The following AAK1 variants were observed in gnomAD, a reference collection of about 807,000 sequenced individuals.
The protein encoded by AAK1 is AP2 associated kinase 1, also known as AP2-associated protein kinase 1.
AAK1 carries 37 observed loss-of-function variants against 116.0 expected under a neutral mutation model. The ratio of observed to expected loss-of-function variants is 0.32; its 90% CI spans 0.25 to 0.42. The LOEUF (loss-of-function observed/expected upper bound fraction) is 0.42, where lower values mean the gene tolerates loss of function less well. Ranked by LOEUF, AAK1 falls within the 10% of genes least tolerant of loss-of-function variation. The pLI is 1.00. For synonymous variants in AAK1, 458 were observed against 439.9 expected, an observed-to-expected ratio of 1.04 and a Z score of -0.51; for missense variants, 919 against 1,170.6, an observed-to-expected ratio of 0.79 and a Z score of 3.14.
At chr2:69,515,573 C>T (rs1234156969) in intron 12 of AAK1, among the ~76,000 whole-genome samples, 3 of 152,134 alleles carry the variant, frequency 2.0e-5, no homozygotes, top group African/African-American at 7.2e-5. Context: ...AAGCAATCCT[C>T]CCGCTTCGGC....
At chr2:69,574,112 G>A (rs949544737) in intron 2 of AAK1, among the ~76,000 whole-genome samples, 4 of 151,872 alleles carry the variant, frequency 2.6e-5, no homozygotes, top group Admixed American at 2.0e-4. Flanking sequence ...GCTCAAGCCT[G>A]TAATCCCAAG....
At chr2:69,590,410 A>G (rs541508177) in intron 2 of AAK1, among the ~76,000 whole-genome samples, 13 of 152,314 alleles carry the variant, frequency 8.5e-5, no homozygotes, top group African/African-American at 3.1e-4. Context: ...ATTCCAAGAA[A>G]GCTATACAGA....
chr2:69,527,562 T>C (rs906028037), intron 8 of AAK1, among the ~76,000 whole-genome samples: 1 of 152,150 alleles, frequency 6.6e-6, no homozygotes, highest in African/African-American at 2.4e-5. Flanking sequence ...AAAGTTCATA[T>C]TCTATGCTTT....
At chr2:69,580,993 A>T (rs1047536323) in intron 2 of AAK1, among the ~76,000 whole-genome samples, 5 of 147,758 alleles carry the variant, frequency 3.4e-5, no homozygotes, top group Non-Finnish European at 7.4e-5. Flanking sequence ...AATAAAAATG[A>T]TCTTTTTTTT....
chr2:69,537,513 A>G (rs1367616013), intron 5 of AAK1, among the ~76,000 whole-genome samples: 4 of 152,162 alleles, frequency 2.6e-5, no homozygotes. Flanking sequence ...CATCCTATTA[A>G]CTTTTATTCA....
intron 2 of AAK1, among the ~76,000 whole-genome samples, chr2:69,595,269 C>T (rs1227206919): frequency 6.6e-6 from 1 of 152,134 alleles, no homozygotes; most frequent in African/African-American, 2.4e-5. Flanking sequence ...CGCACCACCA[C>T]ACCTGGCTAG....
Position 69,471,341 on chromosome 2 carries a change from C to G in AAK1, c.*4528G>C. On this transcript the variant is annotated 3_prime_UTR_variant, in exon 22 of 22. Coordinates refer to ENST00000409085, the MANE Select transcript of AAK1 (RefSeq NM_014911.5). ...AAAAGAGGTTTCTTGTTATAGATTT[C>G]CTAGCACTCATTCTGATTTAAGAAA... The G allele has an allele frequency of 1.0e-6, 1 of 985,432 alleles. No homozygotes were observed. Among genetic ancestry groups the G allele is most frequent in the Non-Finnish European group, 1.2e-6 (1 of 829,932 alleles). The allele number at this position is 985,432 out of a possible 1,614,324, so 61.0% of individuals were successfully genotyped here. A position where few individuals can be genotyped will look rare whatever the true frequency, so the allele number is the denominator to read the frequency against.
At chr2:69,583,515 G>A (rs1168634634) in intron 2 of AAK1, among the ~76,000 whole-genome samples, 1 of 152,204 alleles carries the variant, frequency 6.6e-6, no homozygotes, top group African/African-American at 2.4e-5. Flanking sequence ...CTCTGAAAGA[G>A]TGTTCAGGAA....
chr2:69,596,476 C>T (rs11896119), intron 2 of AAK1, among the ~76,000 whole-genome samples: 4,187 of 152,268 alleles, frequency 0.027, 127 homozygotes, highest in African/African-American at 0.071. Flanking sequence ...CCTGCCTTCA[C>T]CTCCCAAAGT....
At chr2:69,498,671 T>C (rs1277055834) in intron 16 of AAK1, among the ~76,000 whole-genome samples, 7 of 152,166 alleles carry the variant, frequency 4.6e-5, no homozygotes, top group African/African-American at 1.7e-4. Context: ...CTGAGATGCA[T>C]GATAAAGTGG....
intron 21 of AAK1, 95 bp downstream of exon 21, chr2:69,476,785 G>T: frequency 1.3e-6 from 1 of 794,200 alleles, no homozygotes; most frequent in Non-Finnish European, 2.1e-6. Context: ...TTCATTAAAT[G>T]TTGATGCTTT....
intron 6 of AAK1, among the ~76,000 whole-genome samples, 197 bp from the exon 7 acceptor site, chr2:69,530,903 G>C (rs1168554973): frequency 6.6e-6 from 1 of 152,176 alleles, no homozygotes; most frequent in Non-Finnish European, 1.5e-5. Flanking sequence ...AGGCGTTCTG[G>C]CAGCAGTCCT....
rs1454552225 is a variant in AAK1, at chr2:69,530,038, G to C, written c.841C>G (p.Arg281Gly). 6.2e-7 allele frequency: 1 copy of C among 1,601,020 alleles called. No homozygotes were observed. The highest frequency in any genetic ancestry group is 1.3e-5 in the African/African-American group (1 of 74,630). ...DGNFTIPDNSRYSQDMHCLIR... is the reference protein window; with the variant it reads ...DGNFTIPDNSGYSQDMHCLIR... ...AGGCAGTGCATGTCTTGAGAATATC[G>C]AGAATTATCAGGAATTGTGAAGTTT... The change falls in exon 8 of 22, where the codon CGA becomes GGA. Residue 281 changes from arginine (R) to glycine (G), a missense_variant. Coordinates refer to ENST00000409085, the MANE Select transcript of AAK1 (RefSeq NM_014911.5).
chr2:69,568,755 G>C (rs1012099723), intron 2 of AAK1, among the ~76,000 whole-genome samples: 2 of 152,148 alleles, frequency 1.3e-5, no homozygotes, highest in African/African-American at 4.8e-5. Context: ...GGGCTCTCAT[G>C]CTGGAAAGCA....
chr2:69,498,444 G>C (rs779534487), intron 16 of AAK1, among the ~76,000 whole-genome samples: 14 of 151,776 alleles, frequency 9.2e-5, no homozygotes, highest in Non-Finnish European at 1.8e-4. Context: ...TGACATGGGA[G>C]AGTTTCCACC....
chr2:69,542,533 C>T lies in AAK1; in HGVS notation c.524G>A (p.Arg175Gln), dbSNP rs1670764866. The change falls in exon 5 of 22, where the codon CGG (arginine) becomes CAG (glutamine). Residue 175 changes from arginine (R) to glutamine (Q), a missense_variant. Physicochemically the swap from Arg to Gln is conservative, Grantham distance 43. Coordinates refer to ENST00000409085, the MANE Select transcript of AAK1 (RefSeq NM_014911.5). ...LHQCKTPIIHRDLKVENILLH... is the reference protein window; with the variant it reads ...LHQCKTPIIHQDLKVENILLH... ...GAGTGTGGTCTGTACCTTCAGGTCCCGGTGGATAATAGGAGTTTTGCACTG... is the reference window on the plus strand; with the variant it reads ...GAGTGTGGTCTGTACCTTCAGGTCCTGGTGGATAATAGGAGTTTTGCACTG... 6.2e-7 allele frequency: 1 copy of T among 1,613,722 alleles called. No homozygotes were observed. The highest frequency in any genetic ancestry group is 8.5e-7 in the Non-Finnish European group (1 of 1,179,810).
At position 69,473,544 on chromosome 2, in the gene AAK1, G is replaced by C. The variant is rs1674750306; in HGVS notation, c.*2325C>G. 1 of 985,208 alleles carries C rather than the reference G, an allele frequency of 1.0e-6. No individual in the cohort carries two copies. The highest frequency in any genetic ancestry group is 1.2e-6 in the Non-Finnish European group (1 of 829,928). The allele number at this position is 985,208 out of a possible 1,614,324, so 61.0% of individuals were successfully genotyped here. A position where few individuals can be genotyped will look rare whatever the true frequency, so the allele number is the denominator to read the frequency against. On this transcript the variant is annotated 3_prime_UTR_variant, in exon 22 of 22. Coordinates refer to ENST00000409085, the MANE Select transcript of AAK1 (RefSeq NM_014911.5). ...CTTCTACTGCCGTCTCTGGCTTCTA[G>C]TCTGCTCATTTTCATTAACTGCCTC...
At position 69,473,015 on chromosome 2, in the gene AAK1, T is replaced by C. The variant is rs1015585438; in HGVS notation, c.*2854A>G. On this transcript the variant is annotated 3_prime_UTR_variant, in exon 22 of 22. Coordinates refer to ENST00000409085, the MANE Select transcript of AAK1 (RefSeq NM_014911.5). Reference sequence around the variant, plus strand: ...ATAACTGAAGAACATCAGGATTATATAAATCCTTCATAGCCCTTCTCAATA... The same window carrying C: ...ATAACTGAAGAACATCAGGATTATACAAATCCTTCATAGCCCTTCTCAATA... The C allele has an allele frequency of 2.0e-6, 2 of 975,812 alleles. No individual in the cohort carries two copies. The highest frequency in any genetic ancestry group is 3.5e-5 in the African/African-American group (2 of 57,022). The allele number at this position is 975,812 out of a possible 1,614,324, so 60.4% of individuals were successfully genotyped here. A position where few individuals can be genotyped will look rare whatever the true frequency, so the allele number is the denominator to read the frequency against.
At chr2:69,602,456 T>C (rs1673622135) in intron 2 of AAK1, among the ~76,000 whole-genome samples, 1 of 152,198 alleles carries the variant, frequency 6.6e-6, no homozygotes, top group Admixed American at 6.5e-5. Flanking sequence ...TTATATATTA[T>C]GTGGCTGACT....
Sources: gnomAD v4.1 joint callset for allele counts (sites outside exome capture counted in the v4.1 genomes callset) on GRCh38, gnomAD v4.1.1 for gene constraint, MANE v1.5 for transcripts, NCBI Gene and HGNC (gene_info 2026-07-23, HGNC 2026-07-21) for gene names.